Variants in SYNE3 observed in about 807,000 individuals in gnomAD.
The protein encoded by SYNE3 is spectrin repeat containing nuclear envelope family member 3, also known as nesprin-3.
A neutral mutation model predicts 111.2 loss-of-function variants in SYNE3; 100 were observed. The observed-to-expected ratio is 0.90, with a 90% confidence interval of 0.77 to 1.06. The LOEUF (loss-of-function observed/expected upper bound fraction) is 1.06. Among genes scored for constraint, SYNE3 ranks in the 50% least tolerant of loss-of-function variants. The pLI is 0.00. For synonymous variants in SYNE3, 547 were observed against 533.9 expected, an observed-to-expected ratio of 1.02 and a Z score of -0.34; for missense variants, 1,160 against 1,240.3, an observed-to-expected ratio of 0.94 and a Z score of 0.97.
intron 1 of SYNE3, among the ~76,000 whole-genome samples, chr14:95,490,151 G>T (rs879256528): frequency 3.3e-5 from 5 of 152,244 alleles, no homozygotes; most frequent in Non-Finnish European, 7.3e-5. Context: ...AACGGAATCA[G>T]TTAGTAAGGG....
chr14:95,444,750 A>C, intron 9 of SYNE3, 122 bp from the exon 10 acceptor site: 1 of 1,262,632 alleles, frequency 7.9e-7, no homozygotes, highest in Non-Finnish European at 1.1e-6. Flanking sequence ...TTCAGGCGCC[A>C]CCCCCTCCAG....
At chr14:95,511,833 G>A (rs1890733002) in intron 1 of SYNE3, among the ~76,000 whole-genome samples, 1 of 152,156 alleles carries the variant, frequency 6.6e-6, no homozygotes, top group African/African-American at 2.4e-5. Flanking sequence ...TGTGACCCAA[G>A]ACTCTCACTG....
At chr14:95,420,861 G>A (rs1035972149) in intron 17 of SYNE3, among the ~76,000 whole-genome samples, 4 of 151,872 alleles carry the variant, frequency 2.6e-5, no homozygotes, top group African/African-American at 9.7e-5. Context: ...GTATGGTTTG[G>A]TTGTGTCCCC....
Position 95,417,794 on chromosome 14 carries a change from G to A in SYNE3, c.*32C>T, listed in dbSNP as rs748774648. Reference sequence around the variant, plus strand: ...AGGGGCCCTGGGACTGATGGAGGTTGGAGGAGAAAGTCACCTGTGTGCCCC... The same window carrying A: ...AGGGGCCCTGGGACTGATGGAGGTTAGAGGAGAAAGTCACCTGTGTGCCCC... On this transcript the variant is annotated 3_prime_UTR_variant, in exon 18 of 18. Coordinates refer to ENST00000682763, the MANE Select transcript of SYNE3 (RefSeq NM_152592.6). 1.2e-5 allele frequency: 19 copies of A among 1,610,300 alleles called. No individual in the cohort carries two copies. Among genetic ancestry groups the A allele is most frequent in the Non-Finnish European group, 1.5e-5 (18 of 1,176,582 alleles).
At position 95,500,170 on chromosome 14, in the gene SYNE3, C is replaced by A. The variant is rs1253912121; in HGVS notation, c.-15+16426G>T. Among the ~76,000 whole-genome samples the A allele has an allele frequency of 6.6e-6, 1 of 152,150 alleles. No individual in the cohort carries two copies. The highest frequency in any genetic ancestry group is 6.5e-5 in the Admixed American group (1 of 15,278). On this transcript the variant is annotated intron_variant, in intron 1 of 17. Transcript: ENST00000682763. The surrounding 1 kb of genome is among the most constrained non-coding windows in gnomAD (Gnocchi z 4.7). ...CCACTGCGCCCGGCCTACCTCCTGT[C>A]TTATATCTGAGATATCCAGAGGACC...
intron 15 of SYNE3, 82 bp downstream of exon 15, chr14:95,436,738 C>G: frequency 6.6e-7 from 1 of 1,508,772 alleles, no homozygotes; most frequent in South Asian, 1.2e-5. Context: ...GGGTGTGTTC[C>G]TTCTTTTGAA....
At chr14:95,480,415 C>T (rs972376485) in intron 1 of SYNE3, among the ~76,000 whole-genome samples, 1 of 152,122 alleles carries the variant, frequency 6.6e-6, no homozygotes, top group Non-Finnish European at 1.5e-5. Flanking sequence ...ATGATGGAAA[C>T]CCCCGAGCTG....
At chr14:95,436,668 T>C in intron 15 of SYNE3, 152 bp downstream of exon 15, 1 of 889,432 alleles carries the variant, frequency 1.1e-6, no homozygotes, top group Non-Finnish European at 1.7e-6. Context: ...CTAAAATCTT[T>C]GAACCAAAAA....
intron 14 of SYNE3, chr14:95,438,780 ACTGG>A: frequency 2.5e-6 from 1 of 406,200 alleles, no homozygotes; most frequent in East Asian, 3.8e-5. Context: ...TGAGTATCTG[ACTGG>A]CTAAGGGATA....
At chr14:95,516,269 G>C (rs1437796428) in intron 1 of SYNE3, 13 of 152,272 alleles carry the variant, frequency 8.5e-5, no homozygotes, top group Admixed American at 8.5e-4. Flanking sequence ...GGAGGCACCC[G>C]GCCCGCTGGG....
chr14:95,423,304 G>GT (rs1885237399), intron 17 of SYNE3, among the ~76,000 whole-genome samples: 1 of 152,070 alleles, frequency 6.6e-6, no homozygotes, highest in African/African-American at 2.4e-5. Flanking sequence ...AGGAGCGGAT[G>GT]TATGACCATA....
intron 1 of SYNE3, among the ~76,000 whole-genome samples, chr14:95,502,252 C>A (rs1334019805): frequency 6.7e-6 from 1 of 148,916 alleles, no homozygotes; most frequent in Non-Finnish European, 1.5e-5. Context: ...GACTGTCCCC[C>A]ACTCTACTGA....
intron 4 of SYNE3, among the ~76,000 whole-genome samples, chr14:95,461,744 G>A (rs1535187): frequency 4.6e-5 from 7 of 151,856 alleles, no homozygotes; most frequent in Non-Finnish European, 8.8e-5. Flanking sequence ...AGGAAGGCAC[G>A]AGGACAGAAC....
intron 4 of SYNE3, among the ~76,000 whole-genome samples, chr14:95,462,443 C>T (rs759062747): frequency 6.6e-6 from 1 of 152,242 alleles, no homozygotes; most frequent in Non-Finnish European, 1.5e-5. Context: ...ACCCCACAAA[C>T]AACAGCGCCC....
chr14:95,513,772 T>TATATATATATATATATA (rs56006428), intron 1 of SYNE3, among the ~76,000 whole-genome samples: 45 of 131,962 alleles, frequency 3.4e-4, no homozygotes, highest in South Asian at 1.2e-3. Context: ...TATATATATA[T>TATATATATATATATATA]TCAGAATCCA....
At chr14:95,472,923 C>G (rs534067297) in intron 2 of SYNE3, among the ~76,000 whole-genome samples, 1 of 152,150 alleles carries the variant, frequency 6.6e-6, no homozygotes, top group Non-Finnish European at 1.5e-5. Context: ...AGAGTCAGAA[C>G]TGGATCAGAG....
chr14:95,438,974 A>G (rs771937320), intron 14 of SYNE3, 59 bp downstream of exon 14: 5 of 1,605,998 alleles, frequency 3.1e-6, no homozygotes, highest in Non-Finnish European at 4.3e-6. Flanking sequence ...GGAGACCCCT[A>G]CCCACCTCTT....
At chr14:95,469,002 A>G (rs1888360450) in intron 2 of SYNE3, among the ~76,000 whole-genome samples, 1 of 152,140 alleles carries the variant, frequency 6.6e-6, no homozygotes, top group Admixed American at 6.5e-5. Flanking sequence ...AGAATGAGGG[A>G]AGATAAGCAT....
chr14:95,450,491 A>T, intron 7 of SYNE3: 1 of 182,028 alleles, frequency 5.5e-6, no homozygotes, highest in East Asian at 1.5e-4. Flanking sequence ...CCTGGGCAAC[A>T]TAGCAAGACC....
Sources: gnomAD v4.1 joint callset for allele counts (sites outside exome capture counted in the v4.1 genomes callset) on GRCh38, gnomAD v4.1.1 for gene constraint, Gnocchi (gnomAD v3.1) non-coding constraint, MANE v1.5 for transcripts, NCBI Gene and HGNC (gene_info 2026-07-23, HGNC 2026-07-21) for gene names.